Variants in FAM171A1 observed in about 807,000 individuals in gnomAD.
The protein encoded by FAM171A1 is protein FAM171A1.
In FAM171A1, 23 loss-of-function variants were observed where a neutral mutation model predicts 74.9. That is an observed-to-expected ratio of 0.31 (90% confidence interval 0.22 to 0.44). FAM171A1 has a LOEUF of 0.44. Ranked by LOEUF, FAM171A1 falls within the 20% of genes least tolerant of loss-of-function variation. FAM171A1 has a pLI of 1.00. For missense variants in FAM171A1, 1,162 were observed against 1,159.2 expected (o/e 1.00, Z -0.03); for synonymous variants, 527 against 505.7 (o/e 1.04, Z -0.57).
intron 1 of FAM171A1, among the ~76,000 whole-genome samples, chr10:15,355,593 C>G (rs1835923296): frequency 1.3e-5 from 2 of 152,094 alleles, no homozygotes; most frequent in African/African-American, 4.8e-5. Context: ...TGGTGTGCAC[C>G]TGTAGTCCCA....
At chr10:15,309,409 TG>T (rs1835333511) in intron 1 of FAM171A1, among the ~76,000 whole-genome samples, 1 of 152,262 alleles carries the variant, frequency 6.6e-6, no homozygotes, top group Non-Finnish European at 1.5e-5. Flanking sequence ...GGTCTCACTA[TG>T]TTGCCCAGGC....
chr10:15,279,637 C>T (rs747722220), intron 2 of FAM171A1, among the ~76,000 whole-genome samples: 4 of 152,094 alleles, frequency 2.6e-5, no homozygotes, highest in Non-Finnish European at 4.4e-5. Flanking sequence ...AGAAGTTTGC[C>T]GGCCAGGCTT....
chr10:15,257,022 G>A (rs1588515931), intron 3 of FAM171A1, among the ~76,000 whole-genome samples: 1 of 152,320 alleles, frequency 6.6e-6, no homozygotes, highest in South Asian at 2.1e-4. Flanking sequence ...AAATAATGCT[G>A]CTGATAGTAT....
intron 2 of FAM171A1, among the ~76,000 whole-genome samples, chr10:15,283,670 G>A (rs759844323): frequency 1.3e-5 from 2 of 152,026 alleles, no homozygotes; most frequent in Non-Finnish European, 2.9e-5. Context: ...CTGCAGTCTC[G>A]AACTCCCAGA....
chr10:15,293,566 T>C (rs1835126946), intron 1 of FAM171A1, among the ~76,000 whole-genome samples: 2 of 150,562 alleles, frequency 1.3e-5, no homozygotes, highest in Non-Finnish European at 2.9e-5. Flanking sequence ...AATATATATA[T>C]ATATAGCAAA....
At chr10:15,268,193 A>AGGGG (rs1157328943) in intron 3 of FAM171A1, among the ~76,000 whole-genome samples, 3 of 152,158 alleles carry the variant, frequency 2.0e-5, no homozygotes, top group Non-Finnish European at 4.4e-5. Context: ...CCTGAGTGGA[A>AGGGG]GGGGTTGGAT....
intron 5 of FAM171A1, chr10:15,240,650 C>G: frequency 1.1e-6 from 1 of 928,532 alleles, no homozygotes; most frequent in Non-Finnish European, 1.3e-6. Flanking sequence ...ATCTCTAGTT[C>G]TCTCTCCTAA....
intron 3 of FAM171A1, among the ~76,000 whole-genome samples, chr10:15,272,941 A>G (rs552170088): frequency 1.3e-5 from 2 of 152,348 alleles, no homozygotes; most frequent in East Asian, 3.9e-4. Context: ...AGAAAACAGG[A>G]AAGATCTAAA....
intron 1 of FAM171A1, among the ~76,000 whole-genome samples, chr10:15,362,722 T>A (rs1428695705): frequency 6.6e-6 from 1 of 152,202 alleles, no homozygotes; most frequent in Non-Finnish European, 1.5e-5. Flanking sequence ...AGACTCTGTC[T>A]CAAAAACAAA....
Position 15,283,918 on chromosome 10 carries a change from G to A in FAM171A1, c.285C>T (p.Tyr95=), listed in dbSNP as rs751169244. ...GCTTCCATGGGGCAGAGTTTGGCAC[G>A]TAGGCATGCTTCGAGGCGGTGACAA... ...QLIVTASKHA[Y]VPNSAPWKPI... is the part of the protein sequence containing the mutation. Residue 95 remains tyrosine, a synonymous_variant, in exon 2 of 8, where the codon TAC becomes TAT. Coordinates refer to ENST00000378116, the MANE Select transcript of FAM171A1 (RefSeq NM_001010924.2). 3.7e-5 allele frequency: 59 copies of A among 1,614,046 alleles called. No homozygotes were observed. Among genetic ancestry groups the A allele is most frequent in the Admixed American group, 8.3e-5 (5 of 59,996 alleles).
At chr10:15,289,452 GTC>G (rs1835077921) in intron 1 of FAM171A1, among the ~76,000 whole-genome samples, 1 of 152,122 alleles carries the variant, frequency 6.6e-6, no homozygotes, top group Non-Finnish European at 1.5e-5. Context: ...CATCACCAAA[GTC>G]TGCTCATTTT....
chr10:15,276,284 G>T (rs922911810), intron 2 of FAM171A1, among the ~76,000 whole-genome samples: 1 of 151,806 alleles, frequency 6.6e-6, no homozygotes, highest in Non-Finnish European at 1.5e-5. Context: ...AGGTTCAAGC[G>T]ATTCTCCTGC....
At chr10:15,252,439 A>G (rs1323768377) in intron 4 of FAM171A1, among the ~76,000 whole-genome samples, 1 of 152,182 alleles carries the variant, frequency 6.6e-6, no homozygotes, top group East Asian at 1.9e-4. Context: ...TCATCTTCCA[A>G]AGACACGTCT....
At chr10:15,315,049 T>G (rs1298020172) in intron 1 of FAM171A1, among the ~76,000 whole-genome samples, 1 of 152,236 alleles carries the variant, frequency 6.6e-6, no homozygotes, top group Non-Finnish European at 1.5e-5. Flanking sequence ...TTATTATTTT[T>G]TAAAACCAAC....
chr10:15,302,735 T>C (rs1366136609), intron 1 of FAM171A1, among the ~76,000 whole-genome samples: 1 of 152,218 alleles, frequency 6.6e-6, no homozygotes, highest in Non-Finnish European at 1.5e-5. Context: ...TAAAGTGATA[T>C]GCTAATTAGG....
intron 3 of FAM171A1, among the ~76,000 whole-genome samples, chr10:15,270,363 C>T (rs1439411509): frequency 6.6e-6 from 1 of 152,158 alleles, no homozygotes; most frequent in Non-Finnish European, 1.5e-5. Context: ...CTTGAGTAGC[C>T]AAACAAAATG....
chr10:15,262,442 C>CAG (rs1834670008), intron 3 of FAM171A1, among the ~76,000 whole-genome samples: 1 of 152,084 alleles, frequency 6.6e-6, no homozygotes, highest in Non-Finnish European at 1.5e-5. Context: ...AAGCAATGAA[C>CAG]AGAGAGAGGG....
Position 15,213,739 on chromosome 10 carries a change from C to T in FAM171A1, c.1849G>A (p.Glu617Lys). The change falls in exon 8 of 8, where the codon GAG becomes AAG. Residue 617 changes from glutamate to lysine, a missense_variant. Coordinates refer to ENST00000378116, the MANE Select transcript of FAM171A1 (RefSeq NM_001010924.2). This position sits in a 1 kb window ranked among gnomAD's most constrained non-coding sequence, Gnocchi z 6.8. ...QQLEIERLQA[E>K]LSNPHAGIFP... ...ATCCCGGCATGGGGATTGGACAGCT[C>T]AGCCTGTAGTCTTTCTATCTCAAGC... The T allele has an allele frequency of 6.2e-7, 1 of 1,613,644 alleles. No individual in the cohort carries two copies. Among genetic ancestry groups the T allele is most frequent in the South Asian group, 1.1e-5 (1 of 91,046 alleles).
chr10:15,252,413 G>A (rs1191193469), intron 4 of FAM171A1, among the ~76,000 whole-genome samples: 1 of 152,102 alleles, frequency 6.6e-6, no homozygotes, highest in South Asian at 2.1e-4. Flanking sequence ...CTGCGTCTTC[G>A]GGAGATGAAC....
Sources: gnomAD v4.1 joint callset for allele counts (sites outside exome capture counted in the v4.1 genomes callset) on GRCh38, gnomAD v4.1.1 for gene constraint, Gnocchi (gnomAD v3.1) non-coding constraint, MANE v1.5 for transcripts, NCBI Gene and HGNC (gene_info 2026-07-23, HGNC 2026-07-21) for gene names.